Variants in AXL observed in about 807,000 individuals in gnomAD.
The protein encoded by AXL is tyrosine-protein kinase receptor UFO.
A neutral mutation model predicts 104.5 loss-of-function variants in AXL; 52 were observed. The observed-to-expected ratio is 0.50, with a 90% CI of 0.40 to 0.63. The LOEUF (loss-of-function observed/expected upper bound fraction) is 0.63, where lower values mean the gene tolerates loss of function less well. AXL is among the 20% of genes least tolerant of loss of function. The probability of loss-of-function intolerance (pLI) is 0.00; values close to 1 mark genes in which losing one functional copy is unlikely to be tolerated. For missense variants in AXL, 1,024 were observed against 1,188.5 expected (o/e 0.86, Z 2.04); for synonymous variants, 455 against 473.7 (o/e 0.96, Z 0.51).
At chr19:41,227,319 T>C (rs539780887) in intron 4 of AXL, among the ~76,000 whole-genome samples, 1 of 152,116 alleles carries the variant, frequency 6.6e-6, no homozygotes, top group African/African-American at 2.4e-5. Context: ...CTTCACAATT[T>C]CGCAGATAGA....
In AXL at chr19:41,259,541, T is replaced by G; in HGVS notation, c.2334-12T>G. ...CCTGCTCAATCTCCCACCCCTCATT[T>G]TGCTGCCCTAGGTATGCCTTGATGT... On this transcript the variant is annotated splice_polypyrimidine_tract_variant and intron_variant, in intron 19 of 19. Coordinates refer to ENST00000301178, the MANE Select transcript of AXL (RefSeq NM_021913.5). 6.4e-7 allele frequency: 1 copy of G among 1,574,208 alleles called. No homozygotes were observed. The highest frequency in any genetic ancestry group is 8.6e-7 in the Non-Finnish European group (1 of 1,157,198).
Position 41,252,266 on chromosome 19 carries a change from T to G in AXL, c.1712-85T>G, listed in dbSNP as rs2034376784. 4.6e-6 allele frequency: 5 copies of G among 1,079,788 alleles called. No homozygotes were observed. The Middle Eastern group carries it at 1.0e-3, about 215-fold the overall frequency. 66.9% of individuals were successfully genotyped at this position (1,079,788 alleles called of 1,614,324 possible). A position where few individuals can be genotyped will look rare whatever the true frequency, so the allele number is the denominator to read the frequency against. Reference sequence around the variant, plus strand: ...GTTTGATGAAGATGAGTGATGATGATGATGATGATGATGATGGAGTGGAGG... The same window carrying G: ...GTTTGATGAAGATGAGTGATGATGAGGATGATGATGATGATGGAGTGGAGG... On this transcript the variant is annotated intron_variant, in intron 14 of 19. Transcript: ENST00000301178.
intron 1 of AXL, chr19:41,220,386 CG>C: frequency 2.1e-6 from 1 of 478,746 alleles, no homozygotes; most frequent in South Asian, 2.2e-5. Flanking sequence ...CAGTGCAGGG[CG>C]TGGGAGGCTG....
chr19:41,221,795 C>A, intron 3 of AXL, 85 bp from the exon 4 acceptor site: 1 of 1,465,010 alleles, frequency 6.8e-7, no homozygotes, highest in Non-Finnish European at 9.2e-7. Context: ...GGTTTGCTGC[C>A]CAAAGCCTAC....
intron 10 of AXL, among the ~76,000 whole-genome samples, chr19:41,240,214 G>A (rs1016167635): frequency 2.7e-5 from 4 of 150,928 alleles, no homozygotes; most frequent in South Asian, 2.1e-4. Context: ...GTAGATGGAT[G>A]GGTGGATGGA....
At chr19:41,252,701 T>G in intron 15 of AXL, 145 bp from the exon 16 acceptor site, 1 of 1,428,908 alleles carries the variant, frequency 7.0e-7, no homozygotes, top group South Asian at 1.4e-5. Context: ...CTCTGCAGCT[T>G]GGTCCTTGCC....
intron 6 of AXL, among the ~76,000 whole-genome samples, chr19:41,233,058 C>T (rs1455510782): frequency 2.0e-5 from 3 of 151,800 alleles, no homozygotes; most frequent in Admixed American, 6.6e-5. Flanking sequence ...GGCGTGATCA[C>T]GGCTTATTGC....
In AXL at chr19:41,219,261, T is replaced by C. The variant is rs978725826; in HGVS notation, c.-132T>C. On this transcript the variant is annotated 5_prime_UTR_variant, in exon 1 of 20. Transcript: ENST00000301178. ...CTGGGCAGAGCCGGTGGCAAGGGCC[T>C]CCCCTGCCGCTGTGCCAGGCAGGCA... 7.2e-6 allele frequency: 6 copies of C among 830,316 alleles called. No individual in the cohort carries two copies. The East Asian group carries it at 1.3e-4, about 19-fold the overall frequency. 51.4% of individuals were successfully genotyped at this position (830,316 alleles called of 1,614,324 possible). A position where few individuals can be genotyped will look rare whatever the true frequency, so the allele number is the denominator to read the frequency against.
chr19:41,230,524 GTGTGTGTCTGTGTC>G (rs1277370385), intron 4 of AXL, among the ~76,000 whole-genome samples: 1 of 150,078 alleles, frequency 6.7e-6, no homozygotes, highest in Non-Finnish European at 1.5e-5. Flanking sequence ...GTGTGTCTTT[GTGTGTGTCTGTGTC>G]TGTGTGTCTG....
Position 41,239,689 on chromosome 19 carries a change from C to G in AXL, c.1286-5C>G. ...ACATCTCCTCTCTGTCCTTTCTTCT[C>G]ACAGGGCAAGCACAGCCAGTCCACC... On this transcript the variant is annotated splice_region_variant and splice_polypyrimidine_tract_variant and intron_variant, in intron 9 of 19. Coordinates refer to ENST00000301178, the MANE Select transcript of AXL (RefSeq NM_021913.5). 6.8e-6 allele frequency: 11 copies of G among 1,614,180 alleles called. No individual in the cohort carries two copies. The highest frequency in any genetic ancestry group is 9.3e-6 in the Non-Finnish European group (11 of 1,180,040).
At chr19:41,251,830 T>C (rs1456280060) in intron 14 of AXL, among the ~76,000 whole-genome samples, 1 of 152,000 alleles carries the variant, frequency 6.6e-6, no homozygotes, top group Non-Finnish European at 1.5e-5. Flanking sequence ...ATATATAAAG[T>C]TGGCCAAGCG....
chr19:41,255,218 A>G (rs999950134), intron 17 of AXL, among the ~76,000 whole-genome samples: 1 of 152,196 alleles, frequency 6.6e-6, no homozygotes, highest in Non-Finnish European at 1.5e-5. Context: ...GGATCTGTGT[A>G]GGGGTAGTTT....
At chr19:41,223,901 C>T (rs1334410907) in intron 4 of AXL, among the ~76,000 whole-genome samples, 2 of 151,870 alleles carry the variant, frequency 1.3e-5, no homozygotes, top group Non-Finnish European at 2.9e-5. Flanking sequence ...GTTAGTGTAT[C>T]CGTCAGCACA....
chr19:41,220,270 C>A, intron 1 of AXL: 1 of 224,822 alleles, frequency 4.4e-6, no homozygotes, highest in East Asian at 1.1e-4. Context: ...TTATCTCTCT[C>A]CCCCAACCCC....
At chr19:41,245,893 G>A (rs908971280) in intron 12 of AXL, among the ~76,000 whole-genome samples, 14 of 152,092 alleles carry the variant, frequency 9.2e-5, no homozygotes, top group African/African-American at 2.7e-4. Context: ...AAGAAGCAAC[G>A]ATGTCCCAGT....
chr19:41,239,116 C>G (rs1384785992), intron 8 of AXL, 48 bp from the exon 9 acceptor site: 3 of 1,606,088 alleles, frequency 1.9e-6, no homozygotes, highest in Non-Finnish European at 2.6e-6. Flanking sequence ...GAAGGCTTAA[C>G]AGCTGGGGGG....
In AXL at chr19:41,238,613, G is replaced by T. The variant is rs1239401982; in HGVS notation, c.1134+4G>T. 1 of 1,602,212 alleles carries T rather than the reference G, an allele frequency of 6.2e-7. No individual in the cohort carries two copies. Among genetic ancestry groups the T allele is most frequent in the East Asian group, 2.2e-5 (1 of 44,450 alleles). On this transcript the variant is annotated splice_donor_region_variant and intron_variant, in intron 8 of 19. Transcript: ENST00000301178. ...TCAAGGCCAGGACACCCCAGAGGTGGGTGCTGCTGGTGGGATTGGAGTGGA... is the reference window on the plus strand; with the variant it reads ...TCAAGGCCAGGACACCCCAGAGGTGTGTGCTGCTGGTGGGATTGGAGTGGA...
At chr19:41,220,192 TC>T (rs1353866090) in intron 1 of AXL, among the ~76,000 whole-genome samples, 3 of 150,834 alleles carry the variant, frequency 2.0e-5, no homozygotes, top group Non-Finnish European at 3.0e-5. Flanking sequence ...CTCCTCTCTG[TC>T]TCATCTCCCC....
At chr19:41,251,001 G>T (rs12459996) in intron 14 of AXL, among the ~76,000 whole-genome samples, 12,944 of 152,232 alleles carry the variant, frequency 0.085, 674 homozygotes, top group Non-Finnish European at 0.11. Flanking sequence ...GTAGGGAAGT[G>T]CTGGGAAGCA....
Sources: gnomAD v4.1 joint callset for allele counts (sites outside exome capture counted in the v4.1 genomes callset) on GRCh38, gnomAD v4.1.1 for gene constraint, MANE v1.5 for transcripts, NCBI Gene and HGNC (gene_info 2026-07-23, HGNC 2026-07-21) for gene names.